DEPDC4: variants seen among roughly 807,000 people sequenced by gnomAD.
DEPDC4 encodes DEP domain containing 4.
Under a neutral mutation model 52.0 loss-of-function variants are expected in DEPDC4, and 52 were observed. That is an observed-to-expected ratio of 1.00 (90% CI 0.80 to 1.26). The LOEUF is 1.26. Ranked by LOEUF, DEPDC4 falls within the 50% of genes most tolerant of loss-of-function variation. The probability of loss-of-function intolerance (pLI) is 0.00; values close to 1 mark genes in which losing one functional copy is unlikely to be tolerated. For missense variants in DEPDC4, 530 were observed against 546.9 expected, an observed-to-expected ratio of 0.97 and a Z score of 0.31; for synonymous variants, 201 against 196.8, an observed-to-expected ratio of 1.02 and a Z score of -0.18.
At chr12:100,275,486 A>G in the DEPDC4 span, among the ~76,000 whole-genome samples, 3 of 152,188 alleles carry the variant, frequency 2.0e-5, no homozygotes, top group African/African-American at 7.2e-5. Flanking sequence ...ATGAATTACT[A>G]TGCCCAGCCT....
chr12:100,267,423 C>A (rs567843787), upstream of DEPDC4: 5 of 192,228 alleles, frequency 2.6e-5, no homozygotes, highest in South Asian at 4.2e-4. Flanking sequence ...CGGCACCGAC[C>A]GACCTCCCTC....
rs1345838915 is a variant in DEPDC4 at position 100,240,394 on chromosome 12, G to C, written c.*1498C>G. Among the ~76,000 whole-genome samples, 1 of 152,070 alleles carries C rather than the reference G, an allele frequency of 6.6e-6. No individual in the cohort carries two copies. Among genetic ancestry groups the C allele is most frequent in the Non-Finnish European group, 1.5e-5 (1 of 68,018 alleles). ...TACTCAGGCTGGTCTTGAACTCCTG[G>C]ACTTAAAGCAATCCCCTCTCCCTGG... On this transcript the variant is annotated 3_prime_UTR_variant, in exon 10 of 10. Transcript: ENST00000550587.
intron 8 of DEPDC4, among the ~76,000 whole-genome samples, chr12:100,246,830 T>C (rs190495716): frequency 1.3e-5 from 2 of 151,802 alleles, no homozygotes; most frequent in Non-Finnish European, 2.9e-5. Context: ...CCCAGCTACT[T>C]GGGAGGCTGA....
chr12:100,257,820 A>T (rs1365374940), intron 3 of DEPDC4: 1 of 152,248 alleles, frequency 6.6e-6, no homozygotes, highest in Non-Finnish European at 1.5e-5. Context: ...CAAAACTACA[A>T]AAGCAACAGT....
downstream of DEPDC4, among the ~76,000 whole-genome samples, chr12:100,239,390 T>C (rs1386497516): frequency 6.6e-6 from 1 of 151,914 alleles, no homozygotes; most frequent in Non-Finnish European, 1.5e-5. Context: ...ATTTTTTTTT[T>C]TTTGAGACAG....
chr12:100,263,678 G>T lies in DEPDC4; in HGVS notation c.373C>A (p.Gln125Lys). 1 of 1,613,928 alleles carries T rather than the reference G, an allele frequency of 6.2e-7. No individual in the cohort carries two copies. Among genetic ancestry groups the T allele is most frequent in the Non-Finnish European group, 8.5e-7 (1 of 1,179,972 alleles). ...ISCLKGVHLC[Q>K]VLMNHKVFEP... is the part of the protein sequence containing the mutation. Reference sequence around the variant, plus strand: ...AATACTTTGTGATTCATTAGAACTTGGCAAAGATGAACCCCTTTAAGACAA... The same window carrying T: ...AATACTTTGTGATTCATTAGAACTTTGCAAAGATGAACCCCTTTAAGACAA... The change falls in exon 2 of 10, where the codon CAA becomes AAA. Residue 125 changes from glutamine (Q) to lysine (K), a missense_variant. By Grantham distance (53) the Gln-to-Lys change is moderately conservative (BLOSUM62 1). Transcript: ENST00000550587.
upstream of DEPDC4, chr12:100,267,112 GT>G: frequency 6.2e-7 from 1 of 1,604,230 alleles, no homozygotes; most frequent in Non-Finnish European, 8.5e-7. Flanking sequence ...GCGGAGAGAA[GT>G]ACTGGCTCCG....
chr12:100,252,719 G>A (rs2153910290), intron 5 of DEPDC4, among the ~76,000 whole-genome samples, 183 bp from the exon 6 acceptor site: 1 of 152,262 alleles, frequency 6.6e-6, no homozygotes, highest in South Asian at 2.1e-4. Context: ...ATAATTCTAT[G>A]TAATATGCGA....
At chr12:100,256,832 G>A (rs535260325) in intron 3 of DEPDC4, among the ~76,000 whole-genome samples, 4 of 151,792 alleles carry the variant, frequency 2.6e-5, no homozygotes, top group Admixed American at 2.6e-4. Context: ...TAGTAGAGAC[G>A]GGGTTTCACC....
chr12:100,275,308 C>G, the DEPDC4 span, among the ~76,000 whole-genome samples: 2 of 151,762 alleles, frequency 1.3e-5, no homozygotes, highest in African/African-American at 4.8e-5. Flanking sequence ...TTCAAGTGAT[C>G]CTTCCACCTC....
chr12:100,243,149 ATGTGGTCTC>A, intron 8 of DEPDC4, among the ~76,000 whole-genome samples: 1 of 152,190 alleles, frequency 6.6e-6, no homozygotes, highest in African/African-American at 2.4e-5. Context: ...AGTTATGTGA[ATGTGGTCTC>A]TCTTTCTTAA....
rs2096218193 is a variant in DEPDC4, at chr12:100,253,587, ATCT to A, written c.1004_1006del (p.Lys335del). 4.7e-6 allele frequency: 6 copies of A among 1,289,152 alleles called. No individual in the cohort carries two copies. Among genetic ancestry groups the A allele is most frequent in the Non-Finnish European group, 6.1e-6 (6 of 988,468 alleles). 79.9% of individuals were successfully genotyped at this position (1,289,152 alleles called of 1,614,324 possible). A position where few individuals can be genotyped will look rare whatever the true frequency, so the allele number is the denominator to read the frequency against. Reference sequence around the variant, plus strand: ...GTATTTTGCTATGACATCAAAGAGTATCTTCTTCTGACTGTTCAATCTTGTCTC... The same window carrying A: ...GTATTTTGCTATGACATCAAAGAGTATCTTCTGACTGTTCAATCTTGTCTC... On this transcript the variant is annotated inframe_deletion, in exon 5 of 10. Transcript: ENST00000550587.
chr12:100,265,061 G>A (rs903762372), intron 1 of DEPDC4, among the ~76,000 whole-genome samples: 15 of 151,990 alleles, frequency 9.9e-5, no homozygotes, highest in Non-Finnish European at 1.8e-4. Context: ...CACTTTGGGA[G>A]GCTGAAGCAG....
chr12:100,233,688 C>G (rs952874528), intron 9 of DEPDC4, among the ~76,000 whole-genome samples: 1 of 152,130 alleles, frequency 6.6e-6, no homozygotes, highest in African/African-American at 2.4e-5. Context: ...GAGGCTTCAG[C>G]CCCAACTTTT....
chr12:100,265,536 G>A (rs766258655), intron 1 of DEPDC4, among the ~76,000 whole-genome samples: 3 of 151,974 alleles, frequency 2.0e-5, no homozygotes, highest in Admixed American at 6.6e-5. Context: ...TGGAGGTTGC[G>A]GTGAGCCGAG....
intron 8 of DEPDC4, among the ~76,000 whole-genome samples, chr12:100,246,410 A>G (rs1367722991): frequency 6.6e-6 from 1 of 152,128 alleles, no homozygotes; most frequent in Non-Finnish European, 1.5e-5. Flanking sequence ...CTTTCACTGA[A>G]TTTAGTCAAC....
chr12:100,266,458 C>G (rs1012621367), intron 1 of DEPDC4, among the ~76,000 whole-genome samples: 4 of 152,154 alleles, frequency 2.6e-5, no homozygotes, highest in South Asian at 4.1e-4. Flanking sequence ...TTTCCATAGA[C>G]AGTCTACCTC....
chr12:100,248,711 G>A (rs2096195904), intron 8 of DEPDC4, among the ~76,000 whole-genome samples, 189 bp downstream of exon 8: 1 of 152,094 alleles, frequency 6.6e-6, no homozygotes, highest in Non-Finnish European at 1.5e-5. Flanking sequence ...AGTAGAAAAG[G>A]TAAATAAAGG....
At chr12:100,244,693 C>CT (rs1274957284) in intron 8 of DEPDC4, among the ~76,000 whole-genome samples, 2 of 150,126 alleles carry the variant, frequency 1.3e-5, no homozygotes, top group East Asian at 4.0e-4. Context: ...AACTCCTGGG[C>CT]TCAAGCAATC....
Sources: gnomAD v4.1 joint callset for allele counts (sites outside exome capture counted in the v4.1 genomes callset) on GRCh38, gnomAD v4.1.1 for gene constraint, MANE v1.5 for transcripts, NCBI Gene and HGNC (gene_info 2026-07-23, HGNC 2026-07-21) for gene names.